SKOR2: variants seen among roughly 807,000 people sequenced by gnomAD.
The protein encoded by SKOR2 is LBX1 corepressor 1-like protein.
SKOR2 carries 47 observed loss-of-function variants against 69.1 expected under a neutral mutation model. The ratio of observed to expected loss-of-function variants is 0.68; its 90% CI spans 0.54 to 0.87. SKOR2 has a LOEUF of 0.87. Among genes scored for constraint, SKOR2 ranks in the 40% least tolerant of loss-of-function variants. The pLI is 0.00. For missense variants in SKOR2, 1,404 were observed against 1,472.2 expected, an observed-to-expected ratio of 0.95 and a Z score of 0.76; for synonymous variants, 717 against 672.6, an observed-to-expected ratio of 1.07 and a Z score of -1.02.
chr18:47,244,601 G>T (rs1012497595), intron 4 of SKOR2, among the ~76,000 whole-genome samples: 1 of 152,072 alleles, frequency 6.6e-6, no homozygotes, highest in Non-Finnish European at 1.5e-5. Flanking sequence ...AAAGCAATAA[G>T]CTGTGATCCT....
chr18:47,236,126 A>G (rs1287968394), intron 4 of SKOR2, among the ~76,000 whole-genome samples: 1 of 152,186 alleles, frequency 6.6e-6, no homozygotes. Context: ...CTGGGACTAC[A>G]GGTGCACACC....
intron 8 of SKOR2, among the ~76,000 whole-genome samples, chr18:47,210,536 T>C (rs1345831752): frequency 6.6e-6 from 1 of 152,234 alleles, no homozygotes; most frequent in Non-Finnish European, 1.5e-5. Flanking sequence ...TTATCAGAAT[T>C]AATTTGGACC....
At chr18:47,235,790 A>AC (rs1252259024) in intron 4 of SKOR2, among the ~76,000 whole-genome samples, 1 of 150,632 alleles carries the variant, frequency 6.6e-6, no homozygotes. Flanking sequence ...CAAAAAAAAA[A>AC]AAAAAAAAAA....
chr18:47,240,584 C>A (rs190694179), intron 4 of SKOR2, among the ~76,000 whole-genome samples: 23 of 152,020 alleles, frequency 1.5e-4, no homozygotes, highest in African/African-American at 5.3e-4. Context: ...AGGTTAATGA[C>A]CATTAACAGG....
chr18:47,248,260 C>A lies in SKOR2; in HGVS notation c.924G>T (p.Arg308=), dbSNP rs1262520516. The A allele has an allele frequency of 2.0e-5, 25 of 1,221,122 alleles. No homozygotes were observed. The highest frequency in any genetic ancestry group is 3.3e-5 in the East Asian group (1 of 29,926). The allele number at this position is 1,221,122 out of a possible 1,614,324, so 75.6% of individuals were successfully genotyped here. ...LAGAPHAHHK[R]PRFDDDDDSL... ...AGTCGTCGTCGTCGTCGAAGCGCGG[C>A]CGCTTGTGATGGGCGTGCGGGGCAC... Residue 308 remains arginine (R), a synonymous_variant, in exon 2 of 9, where the codon CGG becomes CGT. Coordinates refer to ENST00000425639, the MANE Select transcript of SKOR2 (RefSeq NM_001278063.4). This position sits in a 1 kb window ranked among gnomAD's most constrained non-coding sequence, Gnocchi z 6.4.
Position 47,247,557 on chromosome 18 carries a change from CG to C in SKOR2, c.1626del (p.Gly543AlafsTer239). 8.1e-7 allele frequency: 1 copy of C among 1,231,156 alleles called. No homozygotes were observed. Among genetic ancestry groups the C allele is most frequent in the South Asian group, 3.6e-5 (1 of 27,906 alleles). 76.3% of individuals were successfully genotyped at this position (1,231,156 alleles called of 1,614,324 possible). The stretch of plus-strand genomic sequence containing the variant: ...GCGCCCCCGGCAGGAGGAGGTGGGC[CG>C]GAGCCCGGGCCGTTGGCCACTACCT... ...PPQVVANGPG[S>X]GPPPPAGGAG... is the part of the protein sequence containing the mutation. On this transcript the variant is annotated frameshift_variant, in exon 2 of 9. Transcript: ENST00000425639. LOFTEE classifies it high-confidence loss of function. This position sits in a 1 kb window ranked among gnomAD's most constrained non-coding sequence, Gnocchi z 6.6.
chr18:47,213,595 A>G (rs1410484651), intron 7 of SKOR2, among the ~76,000 whole-genome samples: 1 of 151,934 alleles, frequency 6.6e-6, no homozygotes, highest in Admixed American at 6.6e-5. Context: ...AGTCTTTTTA[A>G]CAGGAAAAAA....
intron 6 of SKOR2, among the ~76,000 whole-genome samples, chr18:47,226,638 T>C (rs1457063833): frequency 6.6e-6 from 1 of 152,224 alleles, no homozygotes; most frequent in Non-Finnish European, 1.5e-5. Context: ...GACAGCTCAA[T>C]AAACCTTTAC....
At chr18:47,219,413 ATAAATAGATCTTAG>A (rs2064154247) in intron 7 of SKOR2, among the ~76,000 whole-genome samples, 2 of 151,872 alleles carry the variant, frequency 1.3e-5, no homozygotes, top group Non-Finnish European at 2.9e-5. Context: ...TTTTTTCCAT[ATAAATAGATCTTAG>A]TGAGTGTCCA....
intron 1 of SKOR2, among the ~76,000 whole-genome samples, chr18:47,251,025 G>A (rs2064310234): frequency 6.7e-6 from 1 of 149,414 alleles, no homozygotes; most frequent in Non-Finnish European, 1.5e-5. Context: ...CTTAGCAGCA[G>A]TAGACCAGGC....
intron 6 of SKOR2, among the ~76,000 whole-genome samples, chr18:47,225,812 G>A (rs1438853525): frequency 2.6e-5 from 4 of 152,146 alleles, no homozygotes; most frequent in African/African-American, 7.2e-5. Context: ...AGAGTGGTCT[G>A]CCAGGTAACT....
At chr18:47,250,427 G>A (rs1251237315) in intron 1 of SKOR2, among the ~76,000 whole-genome samples, 1 of 152,218 alleles carries the variant, frequency 6.6e-6, no homozygotes, top group African/African-American at 2.4e-5. Context: ...GAAGGAAAGT[G>A]GCTCACTCCC....
At chr18:47,227,241 C>T (rs1269070435) in intron 6 of SKOR2, among the ~76,000 whole-genome samples, 1 of 151,486 alleles carries the variant, frequency 6.6e-6, no homozygotes, top group Admixed American at 6.6e-5. Flanking sequence ...TGCCCCTCCT[C>T]TCTGTTATCT....
intron 2 of SKOR2, 46 bp from the exon 3 acceptor site, chr18:47,245,607 C>T: frequency 6.8e-7 from 1 of 1,462,190 alleles, no homozygotes. Flanking sequence ...CCGGATCAAA[C>T]CATATGCTAA....
chr18:47,230,483 C>A lies in SKOR2; in HGVS notation c.2893G>T (p.Gly965Ter). 6.9e-7 allele frequency: 1 copy of A among 1,449,500 alleles called. No individual in the cohort carries two copies. Among genetic ancestry groups the A allele is most frequent in the Non-Finnish European group, 9.0e-7 (1 of 1,108,276 alleles). The allele number at this position is 1,449,500 out of a possible 1,614,324, so 89.8% of individuals were successfully genotyped here. Residue 965 changes from glycine (G) to a stop codon, truncating the protein, a stop_gained, in exon 6 of 9, where the codon GGA becomes TGA. Transcript: ENST00000425639. LOFTEE classifies it high-confidence loss of function. ...CTGAATACTGGGAAAGATGTGTTTC[C>A]TTTTAACACCTGGAATTCTTGTTCC... Reference protein sequence around the residue: ...RLEQEFQVLKGNTSFPVFNNF... With the variant: ...RLEQEFQVLK
At chr18:47,230,687 A>T in intron 5 of SKOR2, 130 bp from the exon 6 acceptor site, 3 of 674,634 alleles carry the variant, frequency 4.4e-6, no homozygotes, top group Non-Finnish European at 6.9e-6. Context: ...TAGACATAGG[A>T]TAGATTTTGT....
intron 7 of SKOR2, among the ~76,000 whole-genome samples, chr18:47,213,068 G>A (rs2064132824): frequency 6.6e-6 from 1 of 151,982 alleles, no homozygotes. Flanking sequence ...CGAATACTGG[G>A]GTTTTGAATA....
At chr18:47,209,151 C>CAA (rs112177949) in intron 8 of SKOR2, among the ~76,000 whole-genome samples, 7,893 of 146,416 alleles carry the variant, frequency 0.054, 235 homozygotes, top group East Asian at 0.091. Context: ...TAATGTAGGA[C>CAA]AAAAAAAAAA....
Position 47,248,421 on chromosome 18 carries a change from G to T in SKOR2, c.763C>A (p.Pro255Thr), listed in dbSNP as rs1419559587. 2 of 1,532,074 alleles carry T rather than the reference G, an allele frequency of 1.3e-6. No individual in the cohort carries two copies. The highest frequency in any genetic ancestry group is 1.7e-6 in the Non-Finnish European group (2 of 1,144,706). The allele number at this position is 1,532,074 out of a possible 1,614,324, so 94.9% of individuals were successfully genotyped here. The change falls in exon 2 of 9, where the codon CCG (proline) becomes ACG (threonine). Residue 255 changes from proline to threonine, a missense_variant. Pro to Thr is a conservative substitution (Grantham distance 38). Around this residue, in one of 3 missense-constraint regions of SKOR2, gnomAD observed 1,266 missense variants for 1,309.9 expected, o/e 0.97. Coordinates refer to ENST00000425639, the MANE Select transcript of SKOR2 (RefSeq NM_001278063.4). The surrounding 1 kb of genome is among the most constrained non-coding windows in gnomAD (Gnocchi z 6.4). ...PQPGAHPACH[P>T]LSSVKAAAVA... Reference sequence around the variant, plus strand: ...GCGGCCGCCTTCACAGAGCTGAGCGGGTGGCAGGCGGGGTGCGCGCCCGGC... The same window carrying T: ...GCGGCCGCCTTCACAGAGCTGAGCGTGTGGCAGGCGGGGTGCGCGCCCGGC...
Sources: allele counts gnomAD v4.1 joint callset (sites outside exome capture counted in the v4.1 genomes callset), GRCh38; gene constraint gnomAD v4.1.1; regional missense constraint gnomAD v4.1.1; non-coding constraint Gnocchi (gnomAD v3.1); transcripts MANE v1.5; gene names NCBI Gene and HGNC (gene_info 2026-07-23, HGNC 2026-07-21).